The following SYT1 variants were observed in gnomAD, a reference collection of about 807,000 sequenced individuals.
SYT1 encodes synaptotagmin-1.
Under a neutral mutation model 44.8 loss-of-function variants are expected in SYT1, and 8 were observed. That is an observed-to-expected ratio of 0.18 (90% CI 0.10 to 0.32). The LOEUF (loss-of-function observed/expected upper bound fraction) is 0.32. Among genes scored for constraint, SYT1 ranks in the 10% least tolerant of loss-of-function variants. SYT1 has a pLI of 1.00. For synonymous variants in SYT1, 154 were observed against 188.8 expected (o/e 0.82, Z 1.51); for missense variants, 286 against 509.3 (o/e 0.56, Z 4.22).
chr12:79,044,420 G>T (rs1592694617), intron 2 of SYT1, among the ~76,000 whole-genome samples: 1 of 151,176 alleles, frequency 6.6e-6, no homozygotes, highest in South Asian at 2.1e-4. Context: ...TGATCGCATT[G>T]GCTCCTGAGG....
chr12:78,892,351 A>G (rs1240002293), intron 1 of SYT1, among the ~76,000 whole-genome samples: 4 of 151,788 alleles, frequency 2.6e-5, no homozygotes, highest in Admixed American at 2.0e-4. Flanking sequence ...TGCACATAAT[A>G]CTACTCAGAA....
At chr12:78,901,128 G>C (rs907914185) in intron 1 of SYT1, among the ~76,000 whole-genome samples, 3 of 151,938 alleles carry the variant, frequency 2.0e-5, no homozygotes, top group African/African-American at 7.2e-5. Context: ...TCTCTAACCA[G>C]AAAGAATAGT....
chr12:79,331,927 T>C (rs1032837900), intron 8 of SYT1, among the ~76,000 whole-genome samples: 3 of 152,188 alleles, frequency 2.0e-5, no homozygotes, highest in Non-Finnish European at 2.9e-5. Flanking sequence ...TAGAAACTTA[T>C]TAATTTTTCT....
chr12:79,127,594 A>G (rs929854062), intron 3 of SYT1, among the ~76,000 whole-genome samples: 5 of 152,242 alleles, frequency 3.3e-5, no homozygotes, highest in African/African-American at 1.2e-4. Flanking sequence ...GCACTGAACA[A>G]CGTTGTCTTA....
At chr12:78,940,338 C>T (rs967195666) in intron 1 of SYT1, among the ~76,000 whole-genome samples, 1 of 152,114 alleles carries the variant, frequency 6.6e-6, no homozygotes, top group Non-Finnish European at 1.5e-5. Flanking sequence ...TTGTTATGAG[C>T]TCAAACATCA....
At chr12:78,923,464 T>A (rs1167287060) in intron 1 of SYT1, among the ~76,000 whole-genome samples, 1 of 151,964 alleles carries the variant, frequency 6.6e-6, no homozygotes, top group African/African-American at 2.4e-5. Flanking sequence ...CAAGTTTACA[T>A]CTTGGCTGTG....
intron 1 of SYT1, among the ~76,000 whole-genome samples, chr12:78,974,436 T>G (rs771786285): frequency 6.6e-6 from 1 of 152,056 alleles, no homozygotes; most frequent in East Asian, 1.9e-4. Flanking sequence ...TTATTTTTAT[T>G]TATTTATCTA....
chr12:79,430,925 T>C (rs1869739112), intron 9 of SYT1, among the ~76,000 whole-genome samples: 1 of 152,202 alleles, frequency 6.6e-6, no homozygotes, highest in Non-Finnish European at 1.5e-5. Context: ...GATACAGAGT[T>C]GAACAAGACA....
At chr12:78,968,375 C>T (rs1868298272) in intron 1 of SYT1, among the ~76,000 whole-genome samples, 1 of 152,074 alleles carries the variant, frequency 6.6e-6, no homozygotes, top group African/African-American at 2.4e-5. Flanking sequence ...ATACACCCCT[C>T]TAGCCCCCAC....
At chr12:78,916,958 A>G (rs2137147623) in intron 1 of SYT1, among the ~76,000 whole-genome samples, 1 of 152,058 alleles carries the variant, frequency 6.6e-6, no homozygotes, top group South Asian at 2.1e-4. Flanking sequence ...CCTGTCCTTT[A>G]TTAGAAAATT....
At position 78,996,164 on chromosome 12, in the gene SYT1, T is replaced by A. The variant is rs529638805; in HGVS notation, c.-84+18233T>A. 3.3e-5 allele frequency among the ~76,000 whole-genome samples: 5 copies of A among 152,338 alleles called. No individual in the cohort carries two copies. In the East Asian group the frequency reaches 9.6e-4, roughly 29 times the overall value. ...AATTTACTTGGTTGAAAGATCTCTG[T>A]CAGCTTTTGCTGAACTTTATGCTTC... is the stretch of plus-strand genomic sequence containing the variant. On this transcript the variant is annotated intron_variant, in intron 2 of 10. Coordinates refer to ENST00000261205, the MANE Select transcript of SYT1 (RefSeq NM_005639.3).
chr12:79,304,223 C>T (rs1880284613), intron 8 of SYT1, among the ~76,000 whole-genome samples: 1 of 152,172 alleles, frequency 6.6e-6, no homozygotes, highest in African/African-American at 2.4e-5. Flanking sequence ...GCGTGAAAAA[C>T]TATTTTTGAA....
chr12:78,953,429 A>T (rs1332962604), intron 1 of SYT1, among the ~76,000 whole-genome samples: 1 of 152,112 alleles, frequency 6.6e-6, no homozygotes, highest in African/African-American at 2.4e-5. Context: ...TTTCCAGCAT[A>T]GAGTGTGGCA....
At chr12:78,867,565 A>C (rs571316721) in intron 1 of SYT1, among the ~76,000 whole-genome samples, 15 of 152,082 alleles carry the variant, frequency 9.9e-5, no homozygotes, top group African/African-American at 3.6e-4. Flanking sequence ...TTGACAGGAT[A>C]TTTTAGTAAA....
At chr12:78,967,188 A>T (rs1868270132) in intron 1 of SYT1, among the ~76,000 whole-genome samples, 1 of 152,174 alleles carries the variant, frequency 6.6e-6, no homozygotes, top group East Asian at 1.9e-4. Context: ...AGACTAAGGT[A>T]TCATTTGTGC....
chr12:79,396,231 A>T (rs760267942), intron 9 of SYT1, among the ~76,000 whole-genome samples: 1 of 152,212 alleles, frequency 6.6e-6, no homozygotes, highest in African/African-American at 2.4e-5. Context: ...ACCACCCTCA[A>T]TGCAGAAGGA....
chr12:79,190,732 T>G (rs1400708067), intron 3 of SYT1, among the ~76,000 whole-genome samples: 1 of 152,152 alleles, frequency 6.6e-6, no homozygotes, highest in Non-Finnish European at 1.5e-5. Flanking sequence ...TATCATGGAT[T>G]GATGGAGTTA....
intron 1 of SYT1, among the ~76,000 whole-genome samples, chr12:78,948,460 A>G (rs1229748218): frequency 6.6e-6 from 1 of 152,030 alleles, no homozygotes; most frequent in Non-Finnish European, 1.5e-5. Flanking sequence ...TACTATTATT[A>G]GTGATATACA....
At chr12:79,042,693 T>TTC (rs1374520699) in intron 2 of SYT1, among the ~76,000 whole-genome samples, 3 of 143,894 alleles carry the variant, frequency 2.1e-5, no homozygotes, top group African/African-American at 7.8e-5. Flanking sequence ...GCTCTTGCTT[T>TTC]TCTAGTTCTT....
Sources: gnomAD v4.1 joint callset for allele counts (sites outside exome capture counted in the v4.1 genomes callset) on GRCh38, gnomAD v4.1.1 for gene constraint, MANE v1.5 for transcripts, NCBI Gene and HGNC (gene_info 2026-07-23, HGNC 2026-07-21) for gene names.